ERBB4: variants seen among roughly 807,000 people sequenced by gnomAD.
ERBB4 encodes the protein receptor tyrosine-protein kinase erbB-4.
ERBB4 carries 42 observed loss-of-function variants against 158.0 expected under a neutral mutation model. The observed-to-expected ratio is 0.27, with a 90% CI of 0.21 to 0.34. The LOEUF (loss-of-function observed/expected upper bound fraction) is 0.34. Ranked by LOEUF, ERBB4 falls within the 10% of genes least tolerant of loss-of-function variation. The pLI, the probability that ERBB4 is intolerant of heterozygous loss-of-function variation, is 1.00. For missense variants in ERBB4, 1,333 were observed against 1,624.1 expected (o/e 0.82, Z 3.08); for synonymous variants, 583 against 558.7 (o/e 1.04, Z -0.61).
intron 19 of ERBB4, among the ~76,000 whole-genome samples, chr2:211,579,025 T>G (rs1178023736): frequency 6.6e-6 from 1 of 150,934 alleles, no homozygotes; most frequent in African/African-American, 2.4e-5. Flanking sequence ...ACCTAGAGAG[T>G]AGGAGAAAAT....
chr2:212,517,437 C>G (rs1293849691), intron 1 of ERBB4, among the ~76,000 whole-genome samples: 3 of 152,030 alleles, frequency 2.0e-5, no homozygotes, highest in Non-Finnish European at 4.4e-5. Flanking sequence ...AGGGACATGG[C>G]AAAAGACTGT....
At chr2:211,871,937 AG>A (rs2078356019) in intron 3 of ERBB4, among the ~76,000 whole-genome samples, 1 of 152,134 alleles carries the variant, frequency 6.6e-6, no homozygotes, top group African/African-American at 2.4e-5. Context: ...AAACATCTAA[AG>A]GGGAGGAAGT....
chr2:211,534,244 A>C (rs942362078), intron 20 of ERBB4, among the ~76,000 whole-genome samples: 3 of 152,082 alleles, frequency 2.0e-5, no homozygotes, highest in Non-Finnish European at 4.4e-5. Context: ...TAGCATTGAG[A>C]CAGGATTTAC....
chr2:212,222,781 T>G (rs1258577757), intron 1 of ERBB4, among the ~76,000 whole-genome samples: 2 of 151,564 alleles, frequency 1.3e-5, no homozygotes, highest in Non-Finnish European at 3.0e-5. Flanking sequence ...TTGCATATTT[T>G]GGGGGGTTGT....
chr2:211,777,185 G>A (rs900034619), intron 4 of ERBB4: 1 of 152,128 alleles, frequency 6.6e-6, no homozygotes, highest in African/African-American at 2.4e-5. Context: ...CTGATTAATT[G>A]TTATGTCCTT....
chr2:211,533,633 C>T (rs2066563827), intron 20 of ERBB4, among the ~76,000 whole-genome samples: 1 of 151,900 alleles, frequency 6.6e-6, no homozygotes, highest in African/African-American at 2.4e-5. Context: ...ATGGAACAGA[C>T]AACATTTTTT....
chr2:211,947,309 C>T (rs2080727812), intron 3 of ERBB4, 121 bp downstream of exon 3: 2 of 807,894 alleles, frequency 2.5e-6, no homozygotes, highest in South Asian at 1.6e-5. Flanking sequence ...ACAAATAAAT[C>T]ACTGATATTT....
intron 19 of ERBB4, among the ~76,000 whole-genome samples, chr2:211,612,656 T>A (rs1427622630): frequency 6.6e-6 from 1 of 151,960 alleles, no homozygotes; most frequent in East Asian, 1.9e-4. Flanking sequence ...AGGAGCTCTG[T>A]AAGCTAAGAA....
chr2:211,647,474 C>T (rs566124261), intron 16 of ERBB4, among the ~76,000 whole-genome samples: 18 of 151,680 alleles, frequency 1.2e-4, no homozygotes, highest in African/African-American at 4.3e-4. Flanking sequence ...AAATTCAACA[C>T]ATCCGAAACT....
chr2:212,173,146 CATGGTTCTGT>C (rs2081569829), intron 1 of ERBB4, among the ~76,000 whole-genome samples: 1 of 151,944 alleles, frequency 6.6e-6, no homozygotes, highest in Non-Finnish European at 1.5e-5. Flanking sequence ...TTATACCAGA[CATGGTTCTGT>C]ATGCCAGTGA....
chr2:211,593,009 T>C (rs953114193), intron 19 of ERBB4, among the ~76,000 whole-genome samples: 44 of 56,760 alleles, frequency 7.8e-4, no homozygotes, highest in African/African-American at 1.6e-3. Context: ...TGAGACTCCA[T>C]CTCAAAAAAA....
intron 17 of ERBB4, among the ~76,000 whole-genome samples, chr2:211,625,859 T>A (rs545957656): frequency 6.6e-6 from 1 of 152,358 alleles, no homozygotes; most frequent in African/African-American, 2.4e-5. Flanking sequence ...ATTGTGTATA[T>A]GCCTTGGCAT....
intron 1 of ERBB4, among the ~76,000 whole-genome samples, chr2:212,251,455 A>G (rs2084530834): frequency 6.6e-6 from 1 of 152,066 alleles, no homozygotes; most frequent in Non-Finnish European, 1.5e-5. Context: ...AACAGACACG[A>G]TAGGTAAAAC....
chr2:211,618,099 C>G (rs2069462512), intron 19 of ERBB4, among the ~76,000 whole-genome samples: 1 of 151,752 alleles, frequency 6.6e-6, no homozygotes. Flanking sequence ...AGTTTTTTAA[C>G]CCATAGAGTC....
chr2:212,309,678 CATT>C (rs1290464081), intron 1 of ERBB4, among the ~76,000 whole-genome samples: 1 of 150,522 alleles, frequency 6.6e-6, no homozygotes. Context: ...CTCTTCAAGT[CATT>C]AGTTACATAT....
rs75003412 is a variant in ERBB4, at chr2:211,917,409, A to C, written c.421+30021T>G. Among the ~76,000 whole-genome samples, 1,302 of 152,264 alleles carry C rather than the reference A, an allele frequency of 8.6e-3. 15 individuals are homozygous for C. Among genetic ancestry groups the C allele is most frequent in the African/African-American group, 0.03 (1,231 of 41,562 alleles). ...AGAAATACTATCTCATATAGCTGAC[A>C]TTTAGAGAGTGTGCAAGCACTGTTA... On this transcript the variant is annotated intron_variant, in intron 3 of 27. Transcript: ENST00000342788.
chr2:211,883,520 G>T (rs566077526), intron 3 of ERBB4, among the ~76,000 whole-genome samples: 4 of 152,132 alleles, frequency 2.6e-5, no homozygotes, highest in African/African-American at 4.8e-5. Context: ...GCTCACACCT[G>T]TAATCCCAGC....
intron 2 of ERBB4, among the ~76,000 whole-genome samples, chr2:212,068,484 A>G (rs529933564): frequency 6.6e-6 from 1 of 152,194 alleles, no homozygotes; most frequent in Non-Finnish European, 1.5e-5. Flanking sequence ...ATCAGGAAAG[A>G]TAACAGCCAA....
intron 3 of ERBB4, among the ~76,000 whole-genome samples, chr2:211,803,887 A>G (rs957702805): frequency 1.3e-5 from 2 of 152,252 alleles, no homozygotes; most frequent in African/African-American, 4.8e-5. Context: ...AGGCAGTTAT[A>G]CAGTTCATGA....
Sources: allele counts gnomAD v4.1 joint callset (sites outside exome capture counted in the v4.1 genomes callset), GRCh38; gene constraint gnomAD v4.1.1; transcripts MANE v1.5; gene names NCBI Gene and HGNC (gene_info 2026-07-23, HGNC 2026-07-21).